GRIA3: variants seen among roughly 807,000 people sequenced by gnomAD.
GRIA3 encodes glutamate receptor 3.
In GRIA3, 3 loss-of-function variants were observed where a neutral mutation model predicts 63.0. The observed-to-expected ratio is 0.05, with a 90% CI of 0.02 to 0.12. The LOEUF (loss-of-function observed/expected upper bound fraction) is 0.12. GRIA3 is among the 10% of genes least tolerant of loss of function. The pLI, the probability that GRIA3 is intolerant of heterozygous loss-of-function variation, is 1.00. For missense variants in GRIA3, 347 were observed against 700.9 expected (o/e 0.50, Z 5.70); for synonymous variants, 274 against 257.9 (o/e 1.06, Z -0.60).
intron 12 of GRIA3, among the ~76,000 whole-genome samples, chrX:123,463,841 AAG>A (rs1407078859): frequency 5.4e-4 from 59 of 110,268 alleles, no homozygotes; most frequent in African/African-American, 1.9e-3. Flanking sequence ...GAAAGAAAGA[AAG>A]AGAGAAACCA....
At chrX:123,445,571 T>C (rs1234233433) in intron 12 of GRIA3, among the ~76,000 whole-genome samples, 1 of 112,331 alleles carries the variant, frequency 8.9e-6, no homozygotes, top group African/African-American at 3.2e-5. Context: ...AGACCAAAGA[T>C]TACCAAAAGC....
intron 2 of GRIA3, among the ~76,000 whole-genome samples, chrX:123,240,154 G>A (rs2044322075): frequency 9.0e-6 from 1 of 111,116 alleles, no homozygotes; most frequent in South Asian, 3.9e-4. Context: ...ATCCTGCAAG[G>A]GCCACTGAGG....
chrX:123,228,589 C>T (rs1026056706), intron 2 of GRIA3, among the ~76,000 whole-genome samples: 1 of 111,652 alleles, frequency 9.0e-6, no homozygotes, highest in African/African-American at 3.3e-5. Flanking sequence ...TTCAATAACA[C>T]CATTGAGTGT....
chrX:123,301,281 C>T (rs947899438), intron 3 of GRIA3, among the ~76,000 whole-genome samples: 2 of 111,082 alleles, frequency 1.8e-5, no homozygotes, highest in Non-Finnish European at 3.8e-5. Flanking sequence ...TGAAGTATCC[C>T]ACTATTATTG....
At chrX:123,318,379 A>G (rs2044846718) in intron 3 of GRIA3, among the ~76,000 whole-genome samples, 1 of 112,140 alleles carries the variant, frequency 8.9e-6, no homozygotes, top group Non-Finnish European at 1.9e-5. Flanking sequence ...CTGCATCGTC[A>G]GGCTGCAAAT....
chrX:123,204,399 G>C, intron 2 of GRIA3: 1 of 1,156,020 alleles, frequency 8.7e-7, no homozygotes, highest in South Asian at 1.9e-5. Flanking sequence ...TCCTGTTCAA[G>C]GCGTTACAGG....
Position 123,208,752 on chromosome X carries a change from G to C in GRIA3, c.268+22762G>C, listed in dbSNP as rs765295434. ...CAAACACAGCTAGTCTAAGTAGTGGGACATGTCTGTTTTATAAAGCTTGTG... is the reference window on the plus strand; with the variant it reads ...CAAACACAGCTAGTCTAAGTAGTGGCACATGTCTGTTTTATAAAGCTTGTG... On this transcript the variant is annotated intron_variant, in intron 2 of 15. Coordinates refer to ENST00000620443, the MANE Select transcript of GRIA3 (RefSeq NM_007325.5). 5.4e-5 allele frequency among the ~76,000 whole-genome samples: 6 copies of C among 112,000 alleles called. No individual in the cohort carries two copies. The Admixed American group carries it at 5.7e-4, about 11-fold the overall frequency.
intron 3 of GRIA3, among the ~76,000 whole-genome samples, chrX:123,271,730 G>A (rs917196954): frequency 1.8e-5 from 2 of 111,879 alleles, no homozygotes; most frequent in African/African-American, 6.5e-5. Flanking sequence ...TACCAAGGAA[G>A]TACTGTCATG....
rs181293965 is a variant in GRIA3 at position 123,450,701 on chromosome X, C to A, written c.2077-14164C>A. On this transcript the variant is annotated intron_variant, in intron 12 of 15. Coordinates refer to ENST00000620443, the MANE Select transcript of GRIA3 (RefSeq NM_007325.5). ...CTTGTAATCACTGTAGTGGGTGAGA[C>A]AAAATTAAACAAATTCTGTAAATAA... is the stretch of plus-strand genomic sequence containing the variant. Among the ~76,000 whole-genome samples, 472 of 112,413 alleles carry A rather than the reference C, an allele frequency of 4.2e-3. 2 individuals carry two copies. Among genetic ancestry groups the A allele is most frequent in the Admixed American group, 7.7e-3 (82 of 10,632 alleles).
chrX:123,317,581 T>C (rs140006649), intron 3 of GRIA3, among the ~76,000 whole-genome samples: 5,226 of 111,444 alleles, frequency 0.047, 285 homozygotes, highest in African/African-American at 0.16. Context: ...TCCAACAGGG[T>C]AGTCAAATTT....
At chrX:123,432,593 T>C (rs1340676518) in intron 12 of GRIA3, among the ~76,000 whole-genome samples, 2 of 111,660 alleles carry the variant, frequency 1.8e-5, no homozygotes, top group African/African-American at 6.5e-5. Context: ...GGTATTTGGT[T>C]TAGTTTGTTG....
chrX:123,236,451 C>T (rs1210449355), intron 2 of GRIA3, among the ~76,000 whole-genome samples: 1 of 111,337 alleles, frequency 9.0e-6, no homozygotes, highest in East Asian at 2.8e-4. Context: ...ACAAAAATCA[C>T]AAGCAATAAA....
At chrX:123,335,956 A>C (rs757687112) in intron 4 of GRIA3, among the ~76,000 whole-genome samples, 1 of 112,099 alleles carries the variant, frequency 8.9e-6, no homozygotes, top group African/African-American at 3.2e-5. Context: ...CAGCTTTATT[A>C]GGAAATTTTC....
intron 2 of GRIA3, among the ~76,000 whole-genome samples, chrX:123,250,649 G>A (rs2044383860): frequency 9.0e-6 from 1 of 111,286 alleles, no homozygotes; most frequent in Non-Finnish European, 1.9e-5. Context: ...GCTACCCTTT[G>A]AATCATTTTG....
In GRIA3 at chrX:123,480,702, G is replaced by C. The variant is rs554153937; in HGVS notation, c.2439+525G>C. ...AAGCAGAATGATTAGCCTCCTGCCAGCTGCTGTTGTATTGAGTTCAGCATT... is the reference window on the plus strand; with the variant it reads ...AAGCAGAATGATTAGCCTCCTGCCACCTGCTGTTGTATTGAGTTCAGCATT... On this transcript the variant is annotated intron_variant, in intron 14 of 15. Transcript: ENST00000620443. Among the ~76,000 whole-genome samples the C allele has an allele frequency of 1.2e-4, 13 of 111,685 alleles. No individual in the cohort carries two copies. The South Asian group carries it at 2.6e-3, about 23-fold the overall frequency.
intron 11 of GRIA3, among the ~76,000 whole-genome samples, chrX:123,426,712 A>C (rs1486475076): frequency 1.8e-5 from 2 of 112,412 alleles, no homozygotes; most frequent in African/African-American, 6.5e-5. Context: ...CAAACACCTC[A>C]GGTAATGCTG....
chrX:123,219,421 C>T (rs1928238425), intron 2 of GRIA3, among the ~76,000 whole-genome samples: 1 of 111,940 alleles, frequency 8.9e-6, no homozygotes, highest in African/African-American at 3.3e-5. Flanking sequence ...AAGAAGTAGA[C>T]CTCACTTTAC....
rs751939376 is a variant in GRIA3 at position 123,310,590 on chromosome X, T to C, written c.509-15436T>C. 4.4e-5 allele frequency among the ~76,000 whole-genome samples: 5 copies of C among 113,388 alleles called. No individual in the cohort carries two copies. The Admixed American group carries it at 4.6e-4, about 11-fold the overall frequency. On this transcript the variant is annotated intron_variant, in intron 3 of 15. Coordinates refer to ENST00000620443, the MANE Select transcript of GRIA3 (RefSeq NM_007325.5). Reference sequence around the variant, plus strand: ...TGTTAATTTCCAAGTGAAATATTATTTGGGAACAATCAGGGTAAGGGAGCA... The same window carrying C: ...TGTTAATTTCCAAGTGAAATATTATCTGGGAACAATCAGGGTAAGGGAGCA...
intron 3 of GRIA3, among the ~76,000 whole-genome samples, chrX:123,303,089 T>C (rs2044733422): frequency 9.0e-6 from 1 of 111,519 alleles, no homozygotes; most frequent in Non-Finnish European, 1.9e-5. Context: ...GTAAAATTAA[T>C]GTTAATGCAT....
Sources: gnomAD v4.1 joint callset for allele counts (sites outside exome capture counted in the v4.1 genomes callset) on GRCh38, gnomAD v4.1.1 for gene constraint, MANE v1.5 for transcripts, NCBI Gene and HGNC (gene_info 2026-07-23, HGNC 2026-07-21) for gene names.